Variants in HPS1 observed in about 807,000 individuals in gnomAD.
The protein encoded by HPS1 is BLOC-3 complex member HPS1.
HPS1 carries 59 observed loss-of-function variants against 90.6 expected under a neutral mutation model. The observed-to-expected ratio is 0.65, with a 90% CI of 0.53 to 0.81. The LOEUF (loss-of-function observed/expected upper bound fraction) is 0.81, where lower values mean the gene tolerates loss of function less well. Ranked by LOEUF, HPS1 falls within the 30% of genes least tolerant of loss-of-function variation. HPS1 has a pLI of 0.00. For missense variants in HPS1, 849 were observed against 896.7 expected, an observed-to-expected ratio of 0.95 and a Z score of 0.68; for synonymous variants, 388 against 384.4, an observed-to-expected ratio of 1.01 and a Z score of -0.11.
rs771869682 is a variant in HPS1, at chr10:98,443,192, A to C, written c.49T>G (p.Trp17Gly). ...CTCTCTTCAAACTCCTGATCTGTCCAGTAGAAGAGGACCTCTGCGCCCTCA... is the reference window on the plus strand; with the variant it reads ...CTCTCTTCAAACTCCTGATCTGTCCCGTAGAAGAGGACCTCTGCGCCCTCA... The part of the protein sequence containing the change: ...ATEGAEVLFY[W>G]TDQEFEESLR... Residue 17 changes from tryptophan to glycine, a missense_variant, in exon 3 of 20, where the codon TGG becomes GGG. Physicochemically the swap from Trp to Gly is radical, Grantham distance 184. Transcript: ENST00000361490. The C allele has an allele frequency of 6.2e-7, 1 of 1,613,956 alleles. No homozygotes were observed. The highest frequency in any genetic ancestry group is 1.3e-5 in the African/African-American group (1 of 74,886).
intron 7 of HPS1, among the ~76,000 whole-genome samples, chr10:98,430,912 G>A (rs865946099): frequency 6.6e-6 from 1 of 152,212 alleles, no homozygotes; most frequent in Non-Finnish European, 1.5e-5. Flanking sequence ...CAACATAAAA[G>A]GAAGTTCTAG....
chr10:98,435,878 C>T lies in HPS1; in HGVS notation c.118-106G>A, dbSNP rs950007501. ...TATCAAGGGTTCCATAGTGTTAGAC[C>T]CTCCTGGGAGGGTATCACTGTCCTG... On this transcript the variant is annotated intron_variant, in intron 3 of 19. Coordinates refer to ENST00000361490, the MANE Select transcript of HPS1 (RefSeq NM_000195.5). This position sits in a 1 kb window ranked among gnomAD's most constrained non-coding sequence, Gnocchi z 4.3. 5 of 1,431,678 alleles carry T rather than the reference C, an allele frequency of 3.5e-6. No homozygotes were observed. The African/African-American group carries it at 5.6e-5, about 16-fold the overall frequency. 88.7% of individuals were successfully genotyped at this position (1,431,678 alleles called of 1,614,324 possible). A position where few individuals can be genotyped will look rare whatever the true frequency, so the allele number is the denominator to read the frequency against.
intron 13 of HPS1, among the ~76,000 whole-genome samples, 188 bp downstream of exon 13, chr10:98,425,353 A>C (rs1845456983): frequency 6.6e-6 from 1 of 152,252 alleles, no homozygotes; most frequent in African/African-American, 2.4e-5. Flanking sequence ...AAAGATTCTG[A>C]AAACCAAAAA....
intron 19 of HPS1, 126 bp downstream of exon 19, chr10:98,418,049 G>A: frequency 1.4e-6 from 1 of 710,738 alleles, no homozygotes; most frequent in Non-Finnish European, 2.5e-6. Context: ...CCGGGAAGGT[G>A]TTCCCAGCGT....
intron 3 of HPS1, among the ~76,000 whole-genome samples, chr10:98,440,853 G>A (rs1938292731): frequency 6.6e-6 from 1 of 152,074 alleles, no homozygotes; most frequent in African/African-American, 2.4e-5. Flanking sequence ...CAAATAGTTT[G>A]CTTCTTAAGT....
chr10:98,414,703 A>C, downstream of HPS1: 1 of 279,836 alleles, frequency 3.6e-6, no homozygotes. Context: ...GTCACTTTGC[A>C]AGAGATATAG....
In HPS1 at chr10:98,427,195, C is replaced by A; in HGVS notation, c.987+20G>T. Reference sequence around the variant, plus strand: ...CATCTCAGATCAGCTGGCGCCCAGGCAGGCACAGGAGAAACTCACCTGAAG... The same window carrying A: ...CATCTCAGATCAGCTGGCGCCCAGGAAGGCACAGGAGAAACTCACCTGAAG... On this transcript the variant is annotated intron_variant, in intron 11 of 19. Transcript: ENST00000361490. 6.5e-7 allele frequency: 1 copy of A among 1,548,418 alleles called. No homozygotes were observed. The highest frequency in any genetic ancestry group is 8.7e-7 in the Non-Finnish European group (1 of 1,144,110).
intron 18 of HPS1, among the ~76,000 whole-genome samples, chr10:98,419,332 T>A (rs1844542401): frequency 6.6e-6 from 1 of 151,956 alleles, no homozygotes; most frequent in South Asian, 2.1e-4. Context: ...GAACAACCAC[T>A]TATGGTGACA....
chr10:98,417,777 C>T lies in HPS1; in HGVS notation c.1941-51G>A, dbSNP rs767230037. On this transcript the variant is annotated intron_variant, in intron 19 of 19. Transcript: ENST00000361490. This position sits in a 1 kb window ranked among gnomAD's most constrained non-coding sequence, Gnocchi z 4.2. ...TCAGGAGTGAGGCTGTGGCACTCCT[C>T]CAGCGCCAGAGGCCTCTCTGGGCCC... The T allele has an allele frequency of 6.4e-7, 1 of 1,553,674 alleles. No homozygotes were observed. The highest frequency in any genetic ancestry group is 8.9e-7 in the Non-Finnish European group (1 of 1,126,400).
At chr10:98,427,480 G>C (rs1266234417) in intron 10 of HPS1, among the ~76,000 whole-genome samples, 3 of 152,222 alleles carry the variant, frequency 2.0e-5, no homozygotes, top group African/African-American at 7.2e-5. Flanking sequence ...GGCGGCCTGG[G>C]CCTGGCAGAG....
At chr10:98,420,838 G>A (rs749363289) in intron 17 of HPS1, among the ~76,000 whole-genome samples, 8 of 152,202 alleles carry the variant, frequency 5.3e-5, no homozygotes, top group Non-Finnish European at 1.0e-4. Flanking sequence ...CCCCTCCTCT[G>A]CCTGGGGTCG....
chr10:98,424,465 G>T (rs1418520926), intron 13 of HPS1, 91 bp from the exon 14 acceptor site: 3 of 1,120,268 alleles, frequency 2.7e-6, no homozygotes, highest in East Asian at 2.5e-5. Context: ...CTCTGAGAGG[G>T]CACAGGGCCC....
chr10:98,419,395 C>T (rs1302838984), intron 18 of HPS1, among the ~76,000 whole-genome samples: 1 of 152,046 alleles, frequency 6.6e-6, no homozygotes, highest in Non-Finnish European at 1.5e-5. Context: ...AGGGAAAAGA[C>T]AGAGAGGAGG....
chr10:98,424,455 C>T (rs1420742600), intron 13 of HPS1, 81 bp from the exon 14 acceptor site: 1 of 1,242,750 alleles, frequency 8.0e-7, no homozygotes, highest in Non-Finnish European at 1.2e-6. Flanking sequence ...TCAGATCAGG[C>T]TCTGAGAGGG....
intron 17 of HPS1, 91 bp downstream of exon 17, chr10:98,422,278 C>T: frequency 1.4e-6 from 2 of 1,457,552 alleles, no homozygotes; most frequent in Non-Finnish European, 1.9e-6. Flanking sequence ...CCAGCGCACT[C>T]TGCTAGCCCC....
In HPS1 at chr10:98,431,424, G is replaced by C. The variant is rs937776416; in HGVS notation, c.508-133C>G. 6 of 936,810 alleles carry C rather than the reference G, an allele frequency of 6.4e-6. No homozygotes were observed. The African/African-American group carries it at 8.2e-5, about 13-fold the overall frequency. 58.0% of individuals were successfully genotyped at this position (936,810 alleles called of 1,614,324 possible). On this transcript the variant is annotated intron_variant, in intron 6 of 19. Transcript: ENST00000361490. ...TGCACCAGATACTTGGAAACAGGGG[G>C]ACTAAGACCCACCAGGTCCCAGCCT...
chr10:98,420,069 G>T lies in HPS1; in HGVS notation c.1833C>A (p.Tyr611Ter). The change falls in exon 18 of 20, where the codon TAC (tyrosine) becomes TAA (stop). Residue 611 changes from tyrosine (Y) to a stop codon, truncating the protein, a stop_gained. Transcript: ENST00000361490. LOFTEE classifies it high-confidence loss of function. ...CCATGTCATTCTCGAACCACAGGAA[G>T]TAGGAGCAGTAGAAATCCCCCTCCT... ...LFQEGDFYCS[Y>*]FLWFENDMGY... 2.5e-6 allele frequency: 4 copies of T among 1,613,362 alleles called. No homozygotes were observed. Among genetic ancestry groups the T allele is most frequent in the Non-Finnish European group, 3.4e-6 (4 of 1,179,298 alleles).
At chr10:98,419,758 C>T (rs1844611290) in intron 18 of HPS1, among the ~76,000 whole-genome samples, 1 of 152,250 alleles carries the variant, frequency 6.6e-6, no homozygotes, top group Admixed American at 6.5e-5. Flanking sequence ...TGGTCTGAGT[C>T]GCATTTCTCA....
In HPS1 at chr10:98,424,167, C is replaced by G; in HGVS notation, c.1397+146G>C. 4.0e-6 allele frequency: 3 copies of G among 755,288 alleles called. No individual in the cohort carries two copies. The South Asian group carries it at 4.5e-5, about 11-fold the overall frequency. The allele number at this position is 755,288 out of a possible 1,614,324, so 46.8% of individuals were successfully genotyped here. ...GAAGGAGCTTCCCAGCTTCTCCACGCGGTGCTCCACGTATGTGGGAAGAAA... is the reference window on the plus strand; with the variant it reads ...GAAGGAGCTTCCCAGCTTCTCCACGGGGTGCTCCACGTATGTGGGAAGAAA... On this transcript the variant is annotated intron_variant, in intron 14 of 19. Coordinates refer to ENST00000361490, the MANE Select transcript of HPS1 (RefSeq NM_000195.5).
Sources: allele counts gnomAD v4.1 joint callset (sites outside exome capture counted in the v4.1 genomes callset), GRCh38; gene constraint gnomAD v4.1.1; non-coding constraint Gnocchi (gnomAD v3.1); transcripts MANE v1.5; gene names NCBI Gene and HGNC (gene_info 2026-07-23, HGNC 2026-07-21).